The following ZCCHC12 variants were observed in gnomAD, a reference collection of about 807,000 sequenced individuals.
The protein encoded by ZCCHC12 is zinc finger CCHC domain-containing protein 12.
For missense variants in ZCCHC12, 317 were observed against 323.4 expected (o/e 0.98, Z 0.15); for synonymous variants, 128 against 123.2 (o/e 1.04, Z -0.26).
Position 118,826,186 on chromosome X carries a change from C to T in ZCCHC12, c.942C>T (p.Ser314=). 6 of 1,211,796 alleles carry T rather than the reference C, an allele frequency of 5.0e-6. No individual in the cohort carries two copies. The highest frequency in any genetic ancestry group is 5.6e-6 in the Non-Finnish European group (5 of 895,528). Residue 314 remains serine (S), a synonymous_variant, in exon 4 of 4, where the codon TCC becomes TCT. Coordinates refer to ENST00000310164, the MANE Select transcript of ZCCHC12 (RefSeq NM_173798.4). The part of the protein sequence containing the change: ...EVLVIDSPHN[S]RAQFPSTSGG... ...TGGTCATTGATTCCCCCCACAATTC[C>T]AGGGCTCAGTTTCCTTCCACCAGTG...
At chrX:118,824,820 C>T in intron 3 of ZCCHC12, 107 bp downstream of exon 3, 1 of 142,850 alleles carries the variant, frequency 7.0e-6, no homozygotes, top group Non-Finnish European at 1.4e-5. Flanking sequence ...ATTTTATTTC[C>T]ACAAATCTGC....
rs34318459 is a variant in ZCCHC12, at chrX:118,826,423, C to T, written c.1179C>T (p.Gly393=). 1.7e-5 allele frequency: 20 copies of T among 1,208,113 alleles called. No homozygotes were observed. Among genetic ancestry groups the T allele is most frequent in the African/African-American group, 3.5e-5 (2 of 56,515 alleles). ...TGGAGAGGTCAAGAGTGGCCCCTGGCGAATACAATGACTTCTCTGAGCCAC... is the reference window on the plus strand; with the variant it reads ...TGGAGAGGTCAAGAGTGGCCCCTGGTGAATACAATGACTTCTCTGAGCCAC... ...TEMERSRVAP[G]EYNDFSEPL The change falls in exon 4 of 4, where the codon GGC becomes GGT. Residue 393 remains glycine (G), a synonymous_variant. Transcript: ENST00000310164.
Position 118,825,207 on chromosome X carries a change from GCATCTTC to G in ZCCHC12, c.-37_-31del. 8.3e-7 allele frequency: 1 copy of G among 1,211,189 alleles called. No individual in the cohort carries two copies. Among genetic ancestry groups the G allele is most frequent in the Non-Finnish European group, 1.1e-6 (1 of 895,069 alleles). ...GATTAAGCTTTTCTAAAAAGCCTAG[GCATCTTC>G]TTATATTCAGATACCCTATCGTCGT... On this transcript the variant is annotated 5_prime_UTR_variant, in exon 4 of 4. Transcript: ENST00000310164.
rs1322652909 is a variant in ZCCHC12 at position 118,825,301 on chromosome X, G to A, written c.57G>A (p.Pro19=). Residue 19 remains proline, a synonymous_variant, in exon 4 of 4, where the codon CCG becomes CCA. Coordinates refer to ENST00000310164, the MANE Select transcript of ZCCHC12 (RefSeq NM_173798.4). The stretch of plus-strand genomic sequence containing the variant: ...GCCGGCGGCTGAATGCACCCTTGCC[G>A]CCTTGGGCCCATTCCATGCTGAGGT... The part of the protein sequence containing the change: ...GNSRRLNAPL[P]PWAHSMLRSL... 2.2e-5 allele frequency: 27 copies of A among 1,209,980 alleles called. No homozygotes were observed. Among genetic ancestry groups the A allele is most frequent in the Non-Finnish European group, 3.0e-5 (27 of 895,231 alleles).
Position 118,824,584 on chromosome X carries a change from T to C in ZCCHC12, c.-239-5T>C, listed in dbSNP as rs1428735081. On this transcript the variant is annotated splice_polypyrimidine_tract_variant and splice_region_variant and intron_variant, in intron 2 of 3. Transcript: ENST00000310164. ...TCCGCTGTGGCGCAATCTTGAAACC[T>C]CAAGGACCCGGATCTGCGACCCCCT... 1 of 111,112 alleles carries C rather than the reference T, an allele frequency of 9.0e-6. No homozygotes were observed. Among genetic ancestry groups the C allele is most frequent in the Non-Finnish European group, 1.9e-5 (1 of 53,152 alleles). 9.2% of individuals were successfully genotyped at this position (111,112 alleles called of 1,213,427 possible).
rs765259839 is a variant in ZCCHC12 at position 118,825,409 on chromosome X, C to T, written c.165C>T (p.Ala55=). Reference sequence around the variant, plus strand: ...TGTTCTCGGGGAGGGTGGTGCCAGCCCAAGGGGAAGAAACCTTTGAAAACT... The same window carrying T: ...TGTTCTCGGGGAGGGTGGTGCCAGCTCAAGGGGAAGAAACCTTTGAAAACT... ...MKLFSGRVVP[A]QGEETFENWL... The change falls in exon 4 of 4, where the codon GCC becomes GCT. Residue 55 remains alanine, a synonymous_variant. Transcript: ENST00000310164. The T allele has an allele frequency of 9.9e-6, 12 of 1,208,610 alleles. No homozygotes were observed. Among genetic ancestry groups the T allele is most frequent in the Non-Finnish European group, 1.2e-5 (11 of 894,450 alleles).
At chrX:118,824,967 A>T (rs2018232796) in intron 3 of ZCCHC12, among the ~76,000 whole-genome samples, 164 bp from the exon 4 acceptor site, 1 of 111,757 alleles carries the variant, frequency 8.9e-6, no homozygotes. Context: ...CCTTGCTAGC[A>T]CGCAGGCATC....
At position 118,826,552 on chromosome X, in the gene ZCCHC12, A is replaced by G; in HGVS notation, c.*99A>G. ...GGGGGTGGGACTTCTAACTGCATGA[A>G]TTAATCCACAAAGCGGCTATCTTTT... On this transcript the variant is annotated 3_prime_UTR_variant, in exon 4 of 4. Coordinates refer to ENST00000310164, the MANE Select transcript of ZCCHC12 (RefSeq NM_173798.4). 9.2e-7 allele frequency: 1 copy of G among 1,082,556 alleles called. No homozygotes were observed. Among genetic ancestry groups the G allele is most frequent in the Admixed American group, 2.3e-5 (1 of 43,624 alleles). 89.2% of individuals were successfully genotyped at this position (1,082,556 alleles called of 1,213,427 possible).
Position 118,825,041 on chromosome X carries a change from A to AT in ZCCHC12, c.-114-89dup. On this transcript the variant is annotated intron_variant, in intron 3 of 3. Coordinates refer to ENST00000310164, the MANE Select transcript of ZCCHC12 (RefSeq NM_173798.4). Reference sequence around the variant, plus strand: ...GGATTATTTTTAGGGTAGTGGGCAAATATAAAATGTACTGCAGGATATTCA... The same window carrying AT: ...GGATTATTTTTAGGGTAGTGGGCAAATTATAAAATGTACTGCAGGATATTCA... The AT allele has an allele frequency of 1.5e-5, 7 of 468,590 alleles. No individual in the cohort carries two copies. In the South Asian group the frequency reaches 2.3e-4, roughly 15 times the overall value. 38.6% of individuals were successfully genotyped at this position (468,590 alleles called of 1,213,427 possible).
chrX:118,825,654 C>T lies in ZCCHC12; in HGVS notation c.410C>T (p.Thr137Ile), dbSNP rs757003988. ...ACTGCCCATGGTAAATTTTTTAACA[C>T]CCTACAAGCTCAAGGGGAGAAAGCC... ...SVTAHGKFFNTLQAQGEKASL... is the reference protein window; with the variant it reads ...SVTAHGKFFNILQAQGEKASL... Residue 137 changes from threonine to isoleucine, a missense_variant, in exon 4 of 4, where the codon ACC becomes ATC. Thr to Ile is a moderately conservative substitution (Grantham distance 89). Coordinates refer to ENST00000310164, the MANE Select transcript of ZCCHC12 (RefSeq NM_173798.4). The T allele has an allele frequency of 1.5e-5, 18 of 1,209,643 alleles. No homozygotes were observed. The South Asian group carries it at 2.1e-4, about 14-fold the overall frequency.
In ZCCHC12 at chrX:118,825,677, G is replaced by A. The variant is rs750852225; in HGVS notation, c.433G>A (p.Ala145Thr). ...CACCCTACAAGCTCAAGGGGAGAAA[G>A]CCTCCCTTTATGTGATCCGTTTAGA... ...FNTLQAQGEK[A>T]SLYVIRLEVQ... The change falls in exon 4 of 4, where the codon GCC becomes ACC. Residue 145 changes from alanine to threonine, a missense_variant. Physicochemically the swap from Ala to Thr is moderately conservative, Grantham distance 58. Transcript: ENST00000310164. The A allele has an allele frequency of 1.7e-6, 2 of 1,211,780 alleles. No individual in the cohort carries two copies. Among genetic ancestry groups the A allele is most frequent in the Non-Finnish European group, 2.2e-6 (2 of 895,562 alleles).
In ZCCHC12 at chrX:118,826,595, G is replaced by A. The variant is rs1227785463; in HGVS notation, c.*142G>A. 9.9e-6 allele frequency: 8 copies of A among 806,991 alleles called. No individual in the cohort carries two copies. The Admixed American group carries it at 2.2e-4, about 22-fold the overall frequency. The allele number at this position is 806,991 out of a possible 1,213,427, so 66.5% of individuals were successfully genotyped here. A position where few individuals can be genotyped will look rare whatever the true frequency, so the allele number is the denominator to read the frequency against. The stretch of plus-strand genomic sequence containing the variant: ...TATCTTTTGGGGTGGAGTAGAAAGG[G>A]TCTTGGATACCAGCACATTGGAGGG... On this transcript the variant is annotated 3_prime_UTR_variant, in exon 4 of 4. Transcript: ENST00000310164.
At position 118,826,163 on chromosome X, in the gene ZCCHC12, G is replaced by T; in HGVS notation, c.919G>T (p.Val307Phe). The part of the protein sequence containing the change: ...DRARPQDEVL[V>F]IDSPHNSRAQ... ...GGCCAGACCTCAGGATGAAGTGCTG[G>T]TCATTGATTCCCCCCACAATTCCAG... is the stretch of plus-strand genomic sequence containing the variant. The change falls in exon 4 of 4, where the codon GTC (valine) becomes TTC (phenylalanine). Residue 307 changes from valine (V) to phenylalanine (F), a missense_variant. Transcript: ENST00000310164. 2 of 1,211,697 alleles carry T rather than the reference G, an allele frequency of 1.7e-6. No homozygotes were observed. Among genetic ancestry groups the T allele is most frequent in the Non-Finnish European group, 2.2e-6 (2 of 895,514 alleles).
chrX:118,825,629 A>G lies in ZCCHC12; in HGVS notation c.385A>G (p.Thr129Ala), dbSNP rs2018243902. Reference sequence around the variant, plus strand: ...GTTTGGGGAGTCTGAAAGCAGTGTGACTGCCCATGGTAAATTTTTTAACAC... The same window carrying G: ...GTTTGGGGAGTCTGAAAGCAGTGTGGCTGCCCATGGTAAATTTTTTAACAC... ...LVFGESESSV[T>A]AHGKFFNTLQ... The change falls in exon 4 of 4, where the codon ACT becomes GCT. Residue 129 changes from threonine to alanine, a missense_variant. Thr to Ala is a moderately conservative substitution (Grantham distance 58). Transcript: ENST00000310164. 3.3e-6 allele frequency: 4 copies of G among 1,209,751 alleles called. No homozygotes were observed. Among genetic ancestry groups the G allele is most frequent in the African/African-American group, 3.5e-5 (2 of 57,013 alleles).
rs144614048 is a variant in ZCCHC12 at position 118,825,529 on chromosome X, C to T, written c.285C>T (p.Arg95=). The part of the protein sequence containing the change: ...RLMKTLRGPA[R]EVMRVLQATN... The stretch of plus-strand genomic sequence containing the variant: ...TGAAAACCCTTAGGGGCCCTGCCCG[C>T]GAGGTCATGCGTGTGCTTCAGGCGA... The change falls in exon 4 of 4, where the codon CGC becomes CGT. Residue 95 remains arginine, a synonymous_variant. Transcript: ENST00000310164. 304 of 1,210,016 alleles carry T rather than the reference C, an allele frequency of 2.5e-4. No homozygotes were observed. In the African/African-American group the frequency reaches 4.7e-3, roughly 19 times the overall value.
chrX:118,825,850 G>T lies in ZCCHC12; in HGVS notation c.606G>T (p.Glu202Asp), dbSNP rs1194424163. 15 of 1,211,817 alleles carry T rather than the reference G, an allele frequency of 1.2e-5. No homozygotes were observed. The highest frequency in any genetic ancestry group is 1.6e-5 in the Non-Finnish European group (14 of 895,544). Residue 202 changes from glutamate to aspartate, a missense_variant, in exon 4 of 4, where the codon GAG becomes GAT. Glu to Asp is a conservative substitution (Grantham distance 45). Transcript: ENST00000310164. ...LKDFLRMYANEQERLPNFLEL... is the reference protein window; with the variant it reads ...LKDFLRMYANDQERLPNFLEL... ...ATTTTCTCAGGATGTATGCAAATGA[G>T]CAGGAGCGGCTTCCCAACTTTCTGG... is the stretch of plus-strand genomic sequence containing the variant.
At position 118,825,167 on chromosome X, in the gene ZCCHC12, C is replaced by G; in HGVS notation, c.-78C>G. The G allele has an allele frequency of 1.7e-6, 2 of 1,183,394 alleles. No individual in the cohort carries two copies. The highest frequency in any genetic ancestry group is 3.5e-5 in the African/African-American group (2 of 57,351). ...ATAGGAAGGCAGAGCCACCTCCTCTCCTCTCCCACCTGCAGATTAAGCTTT... is the reference window on the plus strand; with the variant it reads ...ATAGGAAGGCAGAGCCACCTCCTCTGCTCTCCCACCTGCAGATTAAGCTTT... On this transcript the variant is annotated 5_prime_UTR_variant, in exon 4 of 4. Transcript: ENST00000310164.
Position 118,826,357 on chromosome X carries a change from G to T in ZCCHC12, c.1113G>T (p.Glu371Asp), listed in dbSNP as rs1282083496. Residue 371 changes from glutamate (E) to aspartate (D), a missense_variant, in exon 4 of 4, where the codon GAG becomes GAT. By Grantham distance (45) the Glu-to-Asp change is conservative. Transcript: ENST00000310164. The stretch of plus-strand genomic sequence containing the variant: ...AGAGTGACAAGGCCCAGGTTTTTGA[G>T]AATTTGATCATCACTCTCCAGGAGC... ...DNESDKAQVF[E>D]NLIITLQELT... 2 of 1,209,743 alleles carry T rather than the reference G, an allele frequency of 1.7e-6. No homozygotes were observed. Among genetic ancestry groups the T allele is most frequent in the Non-Finnish European group, 2.2e-6 (2 of 895,184 alleles).
At position 118,826,616 on chromosome X, in the gene ZCCHC12, G is replaced by C. The variant is rs1402579375; in HGVS notation, c.*163G>C. 9.0e-6 allele frequency: 6 copies of C among 667,119 alleles called. No homozygotes were observed. Among genetic ancestry groups the C allele is most frequent in the Non-Finnish European group, 1.4e-5 (6 of 433,793 alleles). 55.0% of individuals were successfully genotyped at this position (667,119 alleles called of 1,213,427 possible). A position where few individuals can be genotyped will look rare whatever the true frequency, so the allele number is the denominator to read the frequency against. ...AAGGGTCTTGGATACCAGCACATTGGAGGGAGATAGCCTGACCTCTGTCCT... is the reference window on the plus strand; with the variant it reads ...AAGGGTCTTGGATACCAGCACATTGCAGGGAGATAGCCTGACCTCTGTCCT... On this transcript the variant is annotated 3_prime_UTR_variant, in exon 4 of 4. Transcript: ENST00000310164.
Sources: gnomAD v4.1 joint callset for allele counts (sites outside exome capture counted in the v4.1 genomes callset) on GRCh38, gnomAD v4.1.1 for gene constraint, MANE v1.5 for transcripts, NCBI Gene and HGNC (gene_info 2026-07-23, HGNC 2026-07-21) for gene names.